SNX8: variants seen among roughly 807,000 people sequenced by gnomAD.
SNX8 encodes sorting nexin 8.
A neutral mutation model predicts 51.6 loss-of-function variants in SNX8; 25 were observed. The observed-to-expected ratio is 0.48, with a 90% CI of 0.35 to 0.68. The LOEUF (loss-of-function observed/expected upper bound fraction) is 0.68, where lower values mean the gene tolerates loss of function less well. Among genes scored for constraint, SNX8 ranks in the 30% least tolerant of loss-of-function variants. The pLI, the probability that SNX8 is intolerant of heterozygous loss-of-function variation, is 0.00. For missense variants in SNX8, 695 were observed against 624.0 expected, an observed-to-expected ratio of 1.11 and a Z score of -1.21; for synonymous variants, 324 against 277.0, an observed-to-expected ratio of 1.17 and a Z score of -1.68.
chr7:2,347,770 C>T (rs1464335481), intron 1 of SNX8, among the ~76,000 whole-genome samples: 1 of 151,786 alleles, frequency 6.6e-6, no homozygotes, highest in Non-Finnish European at 1.5e-5. Context: ...GTCAGCCTCC[C>T]AAGTAGCTGG....
At chr7:2,307,507 G>A (rs757938599) in intron 1 of SNX8, among the ~76,000 whole-genome samples, 65 of 151,768 alleles carry the variant, frequency 4.3e-4, no homozygotes, top group Non-Finnish European at 1.8e-4. Context: ...TGGTGGACAC[G>A]TGTAATCCCA....
At chr7:2,270,362 GCGTGCCTGTAGT>G (rs1795615503) in intron 4 of SNX8, among the ~76,000 whole-genome samples, 1 of 142,358 alleles carries the variant, frequency 7.0e-6, no homozygotes, top group Non-Finnish European at 1.5e-5. Flanking sequence ...CCAGCATGGT[GCGTGCCTGTAGT>G]CCCAGCTACT....
intron 1 of SNX8, among the ~76,000 whole-genome samples, chr7:2,299,131 A>G (rs886418325): frequency 1.3e-5 from 2 of 152,036 alleles, no homozygotes; most frequent in African/African-American, 4.8e-5. Context: ...TCTTGTTCTC[A>G]TCAGGAACCA....
chr7:2,289,739 C>T (rs906417200), intron 1 of SNX8, among the ~76,000 whole-genome samples: 2 of 152,102 alleles, frequency 1.3e-5, no homozygotes, highest in African/African-American at 4.8e-5. Context: ...GTTAGTAAAA[C>T]GTAGTACTGT....
In SNX8 at chr7:2,300,247, C is replaced by T. The variant is rs141177301; in HGVS notation, c.94+14081G>A. 2.5e-3 allele frequency among the ~76,000 whole-genome samples: 377 copies of T among 152,210 alleles called. 5 individuals carry two copies. The highest frequency in any genetic ancestry group is 8.5e-3 in the African/African-American group (354 of 41,550). On this transcript the variant is annotated intron_variant, in intron 1 of 10. Coordinates refer to ENST00000222990, the MANE Select transcript of SNX8 (RefSeq NM_013321.4). ...CCAGGATGCTCAGATTATCTTAACG[C>T]GTTTAAGGGAACTCAGCCTGTGCCT... is the stretch of plus-strand genomic sequence containing the variant.
chr7:2,332,360 G>T (rs1778752182), intron 1 of SNX8, among the ~76,000 whole-genome samples: 1 of 152,020 alleles, frequency 6.6e-6, no homozygotes, highest in Non-Finnish European at 1.5e-5. Context: ...CCTCAGTGCA[G>T]TTCTAGTCCT....
intron 3 of SNX8, among the ~76,000 whole-genome samples, chr7:2,272,460 C>G (rs781518527): frequency 4.0e-5 from 6 of 150,920 alleles, no homozygotes; most frequent in Non-Finnish European, 8.9e-5. Flanking sequence ...CTGCTACCTC[C>G]GCCTTCCAGG....
chr7:2,259,456 C>T (rs1795283720), intron 7 of SNX8, among the ~76,000 whole-genome samples: 2 of 152,230 alleles, frequency 1.3e-5, no homozygotes, highest in Non-Finnish European at 2.9e-5. Flanking sequence ...TCAAGCTCAG[C>T]AGGAGACGGG....
intron 10 of SNX8, among the ~76,000 whole-genome samples, chr7:2,256,064 A>C (rs1408491505): frequency 6.6e-6 from 1 of 152,202 alleles, no homozygotes; most frequent in Non-Finnish European, 1.5e-5. Context: ...TGTTGGTCCC[A>C]TTCCTTCACT....
intron 1 of SNX8, among the ~76,000 whole-genome samples, chr7:2,293,094 A>C (rs1796190185): frequency 1.3e-5 from 2 of 150,856 alleles, no homozygotes; most frequent in African/African-American, 4.9e-5. Context: ...TGTGCTGCAA[A>C]TGACACCACC....
At chr7:2,259,087 A>G (rs1252534107) in intron 7 of SNX8, among the ~76,000 whole-genome samples, 1 of 152,188 alleles carries the variant, frequency 6.6e-6, no homozygotes, top group Non-Finnish European at 1.5e-5. Flanking sequence ...TGCGGTATGA[A>G]GAGTCGGTCC....
chr7:2,350,486 A>G (rs1458605099), intron 1 of SNX8, among the ~76,000 whole-genome samples: 1 of 152,212 alleles, frequency 6.6e-6, no homozygotes, highest in Non-Finnish European at 1.5e-5. Flanking sequence ...ACGTTTCTTT[A>G]GAAAGAGTTT....
Position 2,264,406 on chromosome 7 carries a change from A to G in SNX8, c.674T>C (p.Ile225Thr). The G allele has an allele frequency of 6.2e-7, 1 of 1,612,654 alleles. No homozygotes were observed. Among genetic ancestry groups the G allele is most frequent in the South Asian group, 1.1e-5 (1 of 91,080 alleles). ...GTGAAAGCTATTGTAGATGTTCCGG[A>G]TCAGCTCCCGGCTGATGGCAAACTG... The part of the protein sequence containing the change: ...QAQFAISREL[I>T]RNIYNSFHKL... The change falls in exon 6 of 11, where the codon ATC becomes ACC. Residue 225 changes from isoleucine (I) to threonine (T), a missense_variant. Ile to Thr is a moderately conservative substitution (Grantham distance 89). Transcript: ENST00000222990.
chr7:2,263,105 G>A, intron 7 of SNX8, 125 bp downstream of exon 7: 3 of 1,176,072 alleles, frequency 2.6e-6, no homozygotes, highest in South Asian at 3.0e-5. Context: ...GCAACAGAGG[G>A]AGACTCCTTC....
chr7:2,333,444 C>T (rs553542884), intron 1 of SNX8, among the ~76,000 whole-genome samples: 1 of 152,192 alleles, frequency 6.6e-6, no homozygotes, highest in East Asian at 1.9e-4. Context: ...CGCCTGTAGT[C>T]CCAGCTACTC....
chr7:2,269,254 C>T (rs1795578363), intron 5 of SNX8, among the ~76,000 whole-genome samples: 1 of 151,034 alleles, frequency 6.6e-6, no homozygotes, highest in South Asian at 2.1e-4. Flanking sequence ...TGTGTCCACT[C>T]AGGGTTAAAT....
At chr7:2,275,354 A>C in intron 2 of SNX8, 125 bp from the exon 3 acceptor site, 3 of 715,312 alleles carry the variant, frequency 4.2e-6, no homozygotes, top group Non-Finnish European at 7.7e-6. Context: ...CCTTTACTAA[A>C]TGGAGAAACC....
chr7:2,335,011 TGTG>T (rs1778800882), intron 1 of SNX8, among the ~76,000 whole-genome samples: 1 of 150,324 alleles, frequency 6.7e-6, no homozygotes, highest in Non-Finnish European at 1.5e-5. Flanking sequence ...GCCTGTCCAA[TGTG>T]GTGAAACCCA....
intron 1 of SNX8, among the ~76,000 whole-genome samples, chr7:2,335,217 AT>A (rs1445959994): frequency 4.7e-5 from 7 of 149,312 alleles, no homozygotes; most frequent in Non-Finnish European, 9.0e-5. Context: ...GAAAAAAAAA[AT>A]AGCCAGATGT....
Sources: gnomAD v4.1 joint callset for allele counts (sites outside exome capture counted in the v4.1 genomes callset) on GRCh38, gnomAD v4.1.1 for gene constraint, MANE v1.5 for transcripts, NCBI Gene and HGNC (gene_info 2026-07-23, HGNC 2026-07-21) for gene names.